PCDH17: variants seen among roughly 807,000 people sequenced by gnomAD.
The protein encoded by PCDH17 is protocadherin 17.
In PCDH17, 21 loss-of-function variants were observed where a neutral mutation model predicts 67.7. The observed-to-expected ratio is 0.31, with a 90% CI of 0.22 to 0.45. The LOEUF (loss-of-function observed/expected upper bound fraction) is 0.45. Among genes scored for constraint, PCDH17 ranks in the 20% least tolerant of loss-of-function variants. The pLI, the probability that PCDH17 is intolerant of heterozygous loss-of-function variation, is 1.00. For synonymous variants in PCDH17, 701 were observed against 656.7 expected, an observed-to-expected ratio of 1.07 and a Z score of -1.03; for missense variants, 1,471 against 1,564.8, an observed-to-expected ratio of 0.94 and a Z score of 1.01.
In PCDH17 at chr13:57,633,045, C is replaced by T; in HGVS notation, c.499C>T (p.Arg167Cys). The change falls in exon 1 of 4, where the codon CGC (arginine) becomes TGC (cysteine). Residue 167 changes from arginine to cysteine, a missense_variant. By Grantham distance (180) the Arg-to-Cys change is radical. This residue lies in a region of PCDH17 where 1,163 missense variants were observed against 1,230.0 expected (regional missense o/e 0.95). Coordinates refer to ENST00000377918, the MANE Select transcript of PCDH17 (RefSeq NM_001040429.3). The surrounding 1 kb of genome is among the most constrained non-coding windows in gnomAD (Gnocchi z 6.2). ...HDPDAGENGL[R>C]TYLLTRDDHG... ...CCCCGACGCCGGCGAGAATGGGCTC[C>T]GCACCTACCTGCTCACGCGCGACGA... 1 of 1,612,962 alleles carries T rather than the reference C, an allele frequency of 6.2e-7. No homozygotes were observed. Among genetic ancestry groups the T allele is most frequent in the African/African-American group, 1.3e-5 (1 of 75,008 alleles).
intron 1 of PCDH17, among the ~76,000 whole-genome samples, chr13:57,662,955 G>T (rs1955201517): frequency 6.6e-6 from 1 of 151,946 alleles, no homozygotes; most frequent in Non-Finnish European, 1.5e-5. Context: ...CACAAAGAAA[G>T]AAAACGAAAA....
chr13:57,708,751 A>T (rs1269716249), intron 3 of PCDH17, among the ~76,000 whole-genome samples: 1 of 152,014 alleles, frequency 6.6e-6, no homozygotes, highest in African/African-American at 2.4e-5. Context: ...GGCAAACAAC[A>T]GATGTTGAAT....
In PCDH17 at chr13:57,726,229, A is replaced by G. The variant is rs769873121; in HGVS notation, c.*935A>G. On this transcript the variant is annotated 3_prime_UTR_variant, in exon 4 of 4. Coordinates refer to ENST00000377918, the MANE Select transcript of PCDH17 (RefSeq NM_001040429.3). ...CACTAAAATAGCTCAGGAAAGTGAA[A>G]ATGTCTTAGACATACGCAAGTCACA... The G allele has an allele frequency of 6.6e-6, 1 of 152,612 alleles. No homozygotes were observed. The highest frequency in any genetic ancestry group is 6.5e-5 in the Admixed American group (1 of 15,272). 9.5% of individuals were successfully genotyped at this position (152,612 alleles called of 1,614,324 possible). A position where few individuals can be genotyped will look rare whatever the true frequency, so the allele number is the denominator to read the frequency against.
At chr13:57,653,373 A>C (rs969047531) in intron 1 of PCDH17, among the ~76,000 whole-genome samples, 1 of 152,124 alleles carries the variant, frequency 6.6e-6, no homozygotes, top group Non-Finnish European at 1.5e-5. Context: ...GAGAATAATA[A>C]ATCTGTAAAA....
chr13:57,715,029 A>G (rs1955806117), intron 3 of PCDH17, among the ~76,000 whole-genome samples: 1 of 151,848 alleles, frequency 6.6e-6, no homozygotes, highest in African/African-American at 2.4e-5. Context: ...CCTAAAGGGA[A>G]ATTATTCTGA....
intron 3 of PCDH17, among the ~76,000 whole-genome samples, chr13:57,699,996 C>T (rs528641917): frequency 6.6e-6 from 1 of 152,162 alleles, no homozygotes; most frequent in South Asian, 2.1e-4. Context: ...TCAGAAAAAT[C>T]TCTGTTTATA....
intron 3 of PCDH17, among the ~76,000 whole-genome samples, chr13:57,709,036 T>C (rs1024370549): frequency 1.3e-5 from 2 of 151,620 alleles, no homozygotes; most frequent in African/African-American, 2.4e-5. Flanking sequence ...ATTTTCTTAA[T>C]TTTGTATTAC....
intron 3 of PCDH17, among the ~76,000 whole-genome samples, chr13:57,688,256 G>A (rs577886296): frequency 2.0e-5 from 3 of 151,974 alleles, no homozygotes; most frequent in Non-Finnish European, 4.4e-5. Context: ...AGGCTGCAGT[G>A]ATCACAAGAC....
At chr13:57,692,774 C>T (rs1955570788) in intron 3 of PCDH17, among the ~76,000 whole-genome samples, 1 of 151,056 alleles carries the variant, frequency 6.6e-6, no homozygotes, top group Non-Finnish European at 1.5e-5. Context: ...TTAGCTTTCC[C>T]AACTCAGCTT....
chr13:57,710,158 T>C (rs926765228), intron 3 of PCDH17, among the ~76,000 whole-genome samples: 2 of 151,870 alleles, frequency 1.3e-5, no homozygotes, highest in South Asian at 2.1e-4. Flanking sequence ...TTATTTTCTT[T>C]TGGTGTAAGT....
chr13:57,655,853 A>T (rs1054353405), intron 1 of PCDH17, among the ~76,000 whole-genome samples: 1 of 120,220 alleles, frequency 8.3e-6, no homozygotes, highest in African/African-American at 3.4e-5. Flanking sequence ...TTTATTTATT[A>T]TGTAACAGTA....
At chr13:57,666,932 A>G in intron 3 of PCDH17, 99 bp downstream of exon 3, 1 of 820,114 alleles carries the variant, frequency 1.2e-6, no homozygotes. Context: ...GGAATGGACC[A>G]TTTATAATAT....
intron 3 of PCDH17, among the ~76,000 whole-genome samples, chr13:57,677,679 A>G (rs894542036): frequency 4.0e-5 from 6 of 151,848 alleles, no homozygotes; most frequent in Non-Finnish European, 5.9e-5. Flanking sequence ...GAGAAATCTA[A>G]CACAATGAAG....
chr13:57,642,293 T>C (rs1415277633), intron 1 of PCDH17, among the ~76,000 whole-genome samples: 4 of 151,734 alleles, frequency 2.6e-5, no homozygotes, highest in South Asian at 4.1e-4. Flanking sequence ...AAAAGCAGCC[T>C]TTGTAGGGTT....
At chr13:57,644,525 T>TC (rs1954942123) in intron 1 of PCDH17, among the ~76,000 whole-genome samples, 1 of 149,802 alleles carries the variant, frequency 6.7e-6, no homozygotes, top group East Asian at 2.1e-4. Context: ...GCTATTTCTA[T>TC]TAAAAAAAAA....
chr13:57,674,180 T>C (rs1449353733), intron 3 of PCDH17, among the ~76,000 whole-genome samples: 1 of 151,980 alleles, frequency 6.6e-6, no homozygotes, highest in Non-Finnish European at 1.5e-5. Flanking sequence ...AATTAGGGAA[T>C]GCTGGGACTA....
intron 3 of PCDH17, among the ~76,000 whole-genome samples, chr13:57,669,068 C>T (rs1955290582): frequency 1.3e-5 from 2 of 151,948 alleles, no homozygotes; most frequent in Non-Finnish European, 2.9e-5. Context: ...TCAATTCCCA[C>T]CTATGAGTGA....
chr13:57,653,962 A>G (rs953130386), intron 1 of PCDH17, among the ~76,000 whole-genome samples: 1 of 152,142 alleles, frequency 6.6e-6, no homozygotes, highest in Non-Finnish European at 1.5e-5. Flanking sequence ...CAGTTTTTCA[A>G]TCAGGTGCTT....
chr13:57,704,665 A>G (rs1337623611), intron 3 of PCDH17, among the ~76,000 whole-genome samples: 5 of 151,828 alleles, frequency 3.3e-5, no homozygotes, highest in Non-Finnish European at 7.4e-5. Context: ...ATAATTTGCT[A>G]TGCTACAATA....
Sources: allele counts gnomAD v4.1 joint callset (sites outside exome capture counted in the v4.1 genomes callset), GRCh38; gene constraint gnomAD v4.1.1; regional missense constraint gnomAD v4.1.1; non-coding constraint Gnocchi (gnomAD v3.1); transcripts MANE v1.5; gene names NCBI Gene and HGNC (gene_info 2026-07-23, HGNC 2026-07-21).